HSPBAP1: variants seen among roughly 807,000 people sequenced by gnomAD.
The protein encoded by HSPBAP1 is HSPB1 associated protein 1.
Under a neutral mutation model 45.2 loss-of-function variants are expected in HSPBAP1, and 27 were observed. The ratio of observed to expected loss-of-function variants is 0.60; its 90% CI spans 0.44 to 0.82. HSPBAP1 has a LOEUF of 0.82. Ranked by LOEUF, HSPBAP1 falls within the 40% of genes least tolerant of loss-of-function variation. The probability of loss-of-function intolerance (pLI) is 0.00; values close to 1 mark genes in which losing one functional copy is unlikely to be tolerated. For synonymous variants in HSPBAP1, 204 were observed against 202.7 expected, an observed-to-expected ratio of 1.01 and a Z score of -0.06; for missense variants, 510 against 590.9, an observed-to-expected ratio of 0.86 and a Z score of 1.42.
chr3:122,755,111 G>C (rs1258285890), intron 5 of HSPBAP1, 149 bp downstream of exon 5: 1 of 1,220,712 alleles, frequency 8.2e-7, no homozygotes, highest in African/African-American at 1.6e-5. Context: ...CCTACAACTG[G>C]GGAAGCTACC....
intron 1 of HSPBAP1, among the ~76,000 whole-genome samples, chr3:122,784,329 TG>T (rs2107540749): frequency 6.6e-6 from 1 of 152,350 alleles, no homozygotes; most frequent in East Asian, 1.9e-4. Context: ...CAGTAACTCA[TG>T]TTAAAGGAAT....
chr3:122,747,772 C>T (rs1424009133), intron 6 of HSPBAP1, among the ~76,000 whole-genome samples: 2 of 149,824 alleles, frequency 1.3e-5, no homozygotes, highest in African/African-American at 2.5e-5. Flanking sequence ...GGGTCAGCCC[C>T]CCGCCCGGCC....
Position 122,740,305 on chromosome 3 carries a change from A to G in HSPBAP1, c.*40T>C, listed in dbSNP as rs776266859. 3.1e-6 allele frequency: 4 copies of G among 1,274,690 alleles called. No individual in the cohort carries two copies. The highest frequency in any genetic ancestry group is 3.2e-6 in the Non-Finnish European group (3 of 950,260). The allele number at this position is 1,274,690 out of a possible 1,614,324, so 79.0% of individuals were successfully genotyped here. ...TTAGTCATACTACTTAAAAATATATATTTAAAAAATATTATTTTAAAAGTC... is the reference window on the plus strand; with the variant it reads ...TTAGTCATACTACTTAAAAATATATGTTTAAAAAATATTATTTTAAAAGTC... On this transcript the variant is annotated 3_prime_UTR_variant, in exon 8 of 8. Transcript: ENST00000306103.
chr3:122,791,640 A>T (rs1011385031), intron 1 of HSPBAP1, among the ~76,000 whole-genome samples: 5 of 152,256 alleles, frequency 3.3e-5, no homozygotes, highest in Non-Finnish European at 2.9e-5. Context: ...GGGGTGCAAG[A>T]GAAATCACAG....
At chr3:122,747,109 C>T (rs1384577813) in intron 6 of HSPBAP1, among the ~76,000 whole-genome samples, 1 of 152,018 alleles carries the variant, frequency 6.6e-6, no homozygotes, top group Admixed American at 6.5e-5. Context: ...TCTGCCTGGC[C>T]GCCTATCGTC....
At chr3:122,792,766 G>A (rs1935872988) in intron 1 of HSPBAP1, among the ~76,000 whole-genome samples, 1 of 152,064 alleles carries the variant, frequency 6.6e-6, no homozygotes, top group Admixed American at 6.5e-5. Context: ...AGCTGCTTGG[G>A]ACGCTGAGGC....
At chr3:122,777,227 A>G (rs1305307241) in intron 2 of HSPBAP1, among the ~76,000 whole-genome samples, 2 of 152,188 alleles carry the variant, frequency 1.3e-5, no homozygotes, top group East Asian at 1.9e-4. Context: ...GCAATGCAAA[A>G]CAGGTCAGTC....
chr3:122,741,336 C>T (rs988269617), intron 6 of HSPBAP1: 5 of 559,930 alleles, frequency 8.9e-6, no homozygotes, highest in South Asian at 2.2e-5. Context: ...AGTATGTATT[C>T]TATCTATAAG....
At chr3:122,771,946 C>T (rs75943232) in intron 2 of HSPBAP1, among the ~76,000 whole-genome samples, 4,910 of 150,862 alleles carry the variant, frequency 0.033, 109 homozygotes, top group Middle Eastern at 0.071. Flanking sequence ...ACTAGAAAAC[C>T]CACAAGACAA....
intron 1 of HSPBAP1, among the ~76,000 whole-genome samples, chr3:122,783,554 AC>A (rs1300753571): frequency 6.7e-4 from 102 of 152,350 alleles, no homozygotes; most frequent in African/African-American, 2.3e-3. Context: ...ATGATTCAGT[AC>A]TTTTTACATG....
intron 4 of HSPBAP1, among the ~76,000 whole-genome samples, chr3:122,757,020 C>A (rs1373560648): frequency 6.6e-6 from 1 of 152,194 alleles, no homozygotes; most frequent in African/African-American, 2.4e-5. Context: ...AGCTAGGTCA[C>A]AGATCTCCTG....
intron 1 of HSPBAP1, among the ~76,000 whole-genome samples, chr3:122,780,369 A>G (rs1449179937): frequency 4.8e-4 from 20 of 41,814 alleles, no homozygotes; most frequent in Admixed American, 1.2e-3. Flanking sequence ...GGGGCGGCTG[A>G]CCGGGCGGGG....
intron 6 of HSPBAP1, among the ~76,000 whole-genome samples, chr3:122,747,696 C>A: frequency 7.0e-6 from 1 of 143,488 alleles, no homozygotes; most frequent in South Asian, 2.2e-4. Flanking sequence ...TCTGCCCAGC[C>A]GCCCCTACTG....
At chr3:122,748,662 C>A (rs1934016634) in intron 6 of HSPBAP1, among the ~76,000 whole-genome samples, 1 of 152,158 alleles carries the variant, frequency 6.6e-6, no homozygotes, top group African/African-American at 2.4e-5. Flanking sequence ...GGCACAATCA[C>A]AATGAAGCTG....
At chr3:122,748,457 A>G (rs1934006850) in intron 6 of HSPBAP1, among the ~76,000 whole-genome samples, 1 of 152,180 alleles carries the variant, frequency 6.6e-6, no homozygotes, top group Non-Finnish European at 1.5e-5. Flanking sequence ...TGGATAAGAG[A>G]TCGAAATGCA....
chr3:122,766,810 C>A (rs964810814), intron 3 of HSPBAP1, among the ~76,000 whole-genome samples: 1 of 152,196 alleles, frequency 6.6e-6, no homozygotes, highest in Non-Finnish European at 1.5e-5. Context: ...GTTTACTTAA[C>A]CTCTTTGGGT....
intron 2 of HSPBAP1, among the ~76,000 whole-genome samples, chr3:122,774,697 G>A (rs1472013914): frequency 6.6e-6 from 1 of 152,200 alleles, no homozygotes; most frequent in East Asian, 1.9e-4. Context: ...AACTATGGAG[G>A]TGAGAGACAG....
chr3:122,781,618 T>G (rs746882635), intron 1 of HSPBAP1, among the ~76,000 whole-genome samples: 3 of 152,098 alleles, frequency 2.0e-5, no homozygotes, highest in African/African-American at 7.2e-5. Flanking sequence ...CCCTTGCTCC[T>G]CTCTCTCCCT....
chr3:122,778,332 A>C (rs1935262486), intron 1 of HSPBAP1, among the ~76,000 whole-genome samples: 1 of 151,438 alleles, frequency 6.6e-6, no homozygotes, highest in Non-Finnish European at 1.5e-5. Flanking sequence ...ATACACACAC[A>C]TTAAATACAA....
Sources: gnomAD v4.1 joint callset for allele counts (sites outside exome capture counted in the v4.1 genomes callset) on GRCh38, gnomAD v4.1.1 for gene constraint, MANE v1.5 for transcripts, NCBI Gene and HGNC (gene_info 2026-07-23, HGNC 2026-07-21) for gene names.